The following CLSTN2 variants were observed in gnomAD, a reference collection of about 807,000 sequenced individuals.
CLSTN2 encodes the protein calsyntenin-2.
A neutral mutation model predicts 101.2 loss-of-function variants in CLSTN2; 48 were observed. That is an observed-to-expected ratio of 0.47 (90% CI 0.38 to 0.60). The LOEUF is 0.60. CLSTN2 is among the 20% of genes least tolerant of loss of function. The probability of loss-of-function intolerance (pLI) is 0.00; values close to 1 mark genes in which losing one functional copy is unlikely to be tolerated. For synonymous variants in CLSTN2, 481 were observed against 463.6 expected (o/e 1.04, Z -0.48); for missense variants, 1,160 against 1,238.2 (o/e 0.94, Z 0.95).
intron 2 of CLSTN2, among the ~76,000 whole-genome samples, chr3:140,389,562 T>A (rs1171962027): frequency 6.6e-6 from 1 of 152,244 alleles, no homozygotes; most frequent in African/African-American, 2.4e-5. Flanking sequence ...ATTCCGTGTC[T>A]TTGTTATTGT....
At position 140,200,499 on chromosome 3, in the gene CLSTN2, G is replaced by A. The variant is rs115393602; in HGVS notation, c.232+24426G>A. Among the ~76,000 whole-genome samples, 547 of 152,220 alleles carry A rather than the reference G, an allele frequency of 3.6e-3. 3 individuals are homozygous for A. Among genetic ancestry groups the A allele is most frequent in the Non-Finnish European group, 5.1e-3 (345 of 68,008 alleles). ...CAGTTTATTTCTTAGTCTGTGAAATGGCAATGCTAATAGCATGCTCTTTAT... is the reference window on the plus strand; with the variant it reads ...CAGTTTATTTCTTAGTCTGTGAAATAGCAATGCTAATAGCATGCTCTTTAT... On this transcript the variant is annotated intron_variant, in intron 2 of 16. Coordinates refer to ENST00000458420, the MANE Select transcript of CLSTN2 (RefSeq NM_022131.3).
At chr3:140,211,786 C>A (rs576866407) in intron 2 of CLSTN2, among the ~76,000 whole-genome samples, 1 of 152,088 alleles carries the variant, frequency 6.6e-6, no homozygotes, top group South Asian at 2.1e-4. Context: ...TCAAACTAGA[C>A]TTTAACCTCC....
At chr3:140,293,016 A>T (rs1005750851) in intron 2 of CLSTN2, among the ~76,000 whole-genome samples, 1 of 152,228 alleles carries the variant, frequency 6.6e-6, no homozygotes, top group Admixed American at 6.5e-5. Context: ...AAACACTATT[A>T]GACCTCAGAA....
At chr3:140,461,843 G>T (rs1933571229) in intron 7 of CLSTN2, among the ~76,000 whole-genome samples, 1 of 151,628 alleles carries the variant, frequency 6.6e-6, no homozygotes, top group Admixed American at 6.6e-5. Flanking sequence ...GCCCTTATGT[G>T]AAACAACACT....
intron 2 of CLSTN2, among the ~76,000 whole-genome samples, chr3:140,384,242 C>T (rs1454333691): frequency 2.0e-5 from 3 of 152,210 alleles, no homozygotes; most frequent in African/African-American, 7.2e-5. Flanking sequence ...CCAGGGAGCA[C>T]GTTCCACTCC....
intron 2 of CLSTN2, among the ~76,000 whole-genome samples, chr3:140,204,006 T>C (rs2010751274): frequency 6.6e-6 from 1 of 152,236 alleles, no homozygotes; most frequent in Non-Finnish European, 1.5e-5. Flanking sequence ...TTAATCTCCC[T>C]AGATCTCTTT....
intron 1 of CLSTN2, among the ~76,000 whole-genome samples, chr3:139,947,188 A>G (rs1215074417): frequency 1.3e-5 from 2 of 152,210 alleles, no homozygotes; most frequent in Non-Finnish European, 2.9e-5. Context: ...CTAATGATAA[A>G]GCATGAAATC....
At chr3:139,975,636 G>T (rs1039172209) in intron 1 of CLSTN2, among the ~76,000 whole-genome samples, 10 of 152,132 alleles carry the variant, frequency 6.6e-5, no homozygotes, top group Non-Finnish European at 1.3e-4. Flanking sequence ...AACAACTTGG[G>T]CTTCTTGAAA....
At chr3:140,117,153 T>C (rs927684713) in intron 1 of CLSTN2, among the ~76,000 whole-genome samples, 1 of 152,128 alleles carries the variant, frequency 6.6e-6, no homozygotes, top group African/African-American at 2.4e-5. Context: ...GGCATCCTCC[T>C]TCCCTCAGGG....
At chr3:140,017,078 G>A (rs1049367853) in intron 1 of CLSTN2, among the ~76,000 whole-genome samples, 1 of 152,202 alleles carries the variant, frequency 6.6e-6, no homozygotes, top group Admixed American at 6.5e-5. Flanking sequence ...TTTCATGAAA[G>A]CTGTCTTTCA....
intron 2 of CLSTN2, among the ~76,000 whole-genome samples, chr3:140,293,299 T>C (rs1156419286): frequency 1.3e-5 from 2 of 152,148 alleles, no homozygotes; most frequent in Non-Finnish European, 2.9e-5. Flanking sequence ...GGAGGGGCAG[T>C]TGGCACTTTC....
At chr3:139,969,165 G>C (rs766385251) in intron 1 of CLSTN2, among the ~76,000 whole-genome samples, 2 of 152,108 alleles carry the variant, frequency 1.3e-5, no homozygotes, top group Non-Finnish European at 2.9e-5. Flanking sequence ...TGTATACTAA[G>C]GCATGGAGGT....
chr3:140,225,354 A>G (rs1018601701), intron 2 of CLSTN2, among the ~76,000 whole-genome samples: 5 of 152,186 alleles, frequency 3.3e-5, no homozygotes, highest in African/African-American at 1.2e-4. Context: ...CACTGTTTCC[A>G]TCTGACTTGA....
At chr3:140,448,736 C>A in intron 6 of CLSTN2, 32 bp downstream of exon 6, 2 of 1,568,012 alleles carry the variant, frequency 1.3e-6, no homozygotes, top group South Asian at 1.1e-5. Flanking sequence ...TTTTAAAAAT[C>A]AATTGCTTTT....
chr3:140,135,087 A>AACACAC (rs780837347), intron 1 of CLSTN2, among the ~76,000 whole-genome samples: 4 of 51,426 alleles, frequency 7.8e-5, no homozygotes, highest in Non-Finnish European at 7.9e-5. Flanking sequence ...CTCTCAAAAA[A>AACACAC]ACACACACAC....
chr3:140,130,722 A>C (rs1266915603), intron 1 of CLSTN2, among the ~76,000 whole-genome samples: 1 of 152,170 alleles, frequency 6.6e-6, no homozygotes, highest in Non-Finnish European at 1.5e-5. Flanking sequence ...ACCCAGCCTG[A>C]AGGGTCCTGG....
chr3:140,031,645 GT>G (rs1256152301), intron 1 of CLSTN2, among the ~76,000 whole-genome samples: 1 of 152,160 alleles, frequency 6.6e-6, no homozygotes, highest in Non-Finnish European at 1.5e-5. Flanking sequence ...GATATTTGTA[GT>G]TTCCTGATTC....
chr3:140,296,781 A>G (rs1257580251), intron 2 of CLSTN2, among the ~76,000 whole-genome samples: 1 of 152,180 alleles, frequency 6.6e-6, no homozygotes, highest in African/African-American at 2.4e-5. Flanking sequence ...CAAAGGCTAT[A>G]TTGTCACATT....
chr3:140,180,066 G>A lies in CLSTN2; in HGVS notation c.232+3993G>A, dbSNP rs142917912. On this transcript the variant is annotated intron_variant, in intron 2 of 16. Coordinates refer to ENST00000458420, the MANE Select transcript of CLSTN2 (RefSeq NM_022131.3). ...TGTCATCATCTGTAAAAGAATATAA[G>A]CTTTCCAGGGCTGTTTGTTGTTTTG... 1.9e-3 allele frequency among the ~76,000 whole-genome samples: 292 copies of A among 152,304 alleles called. 3 individuals carry two copies. The highest frequency in any genetic ancestry group is 6.9e-3 in the African/African-American group (285 of 41,566).
Sources: gnomAD v4.1 joint callset for allele counts (sites outside exome capture counted in the v4.1 genomes callset) on GRCh38, gnomAD v4.1.1 for gene constraint, MANE v1.5 for transcripts, NCBI Gene and HGNC (gene_info 2026-07-23, HGNC 2026-07-21) for gene names.